TNS3: variants seen among roughly 807,000 people sequenced by gnomAD.
TNS3 encodes tensin 3.
In TNS3, 45 loss-of-function variants were observed where a neutral mutation model predicts 140.9. The observed-to-expected ratio is 0.32, with a 90% confidence interval of 0.25 to 0.41. TNS3 has a LOEUF of 0.41. Among genes scored for constraint, TNS3 ranks in the 10% least tolerant of loss-of-function variants. The pLI, the probability that TNS3 is intolerant of heterozygous loss-of-function variation, is 1.00. For synonymous variants in TNS3, 815 were observed against 788.4 expected (o/e 1.03, Z -0.56); for missense variants, 1,716 against 1,906.7 (o/e 0.90, Z 1.86).
Position 47,549,962 on chromosome 7 carries a change from G to A in TNS3, c.-264-20815C>T, listed in dbSNP as rs548662853. On this transcript the variant is annotated intron_variant, in intron 1 of 30. Transcript: ENST00000311160. ...CCCATCCCCACAACCTAGTTACTTC[G>A]TTTGGCTCTTGACAGGGGTGCCAGA... Among the ~76,000 whole-genome samples the A allele has an allele frequency of 5.9e-3, 660 of 110,970 alleles. 7 individuals carry two copies. Among genetic ancestry groups the A allele is most frequent in the African/African-American group, 0.022 (614 of 28,342 alleles). 72.8% of individuals were successfully genotyped at this position (110,970 alleles called of 152,430 possible). A position where few individuals can be genotyped will look rare whatever the true frequency, so the allele number is the denominator to read the frequency against.
At chr7:47,548,489 C>T (rs1799980648) in intron 1 of TNS3, among the ~76,000 whole-genome samples, 1 of 152,182 alleles carries the variant, frequency 6.6e-6, no homozygotes, top group Admixed American at 6.5e-5. Flanking sequence ...CTGTCAGACC[C>T]AGTAAGGGAC....
intron 8 of TNS3, among the ~76,000 whole-genome samples, chr7:47,434,155 A>T (rs932545318): frequency 3.3e-5 from 5 of 152,194 alleles, no homozygotes; most frequent in African/African-American, 1.2e-4. Context: ...TATGCCTTAC[A>T]GCTGTAAACA....
chr7:47,360,474 G>A (rs66541100), intron 17 of TNS3, among the ~76,000 whole-genome samples: 21,304 of 152,194 alleles, frequency 0.14, 1,669 homozygotes, highest in South Asian at 0.18. Flanking sequence ...CAGCGCCCGG[G>A]GCCCTGGCTC....
chr7:47,519,830 T>TC (rs1173260503), intron 2 of TNS3, among the ~76,000 whole-genome samples: 3 of 139,004 alleles, frequency 2.2e-5, no homozygotes, highest in Admixed American at 7.2e-5. Context: ...TTTTTTTTTT[T>TC]TTTTTTTTTT....
At chr7:47,398,271 A>G (rs977918984) in intron 15 of TNS3, among the ~76,000 whole-genome samples, 5 of 152,180 alleles carry the variant, frequency 3.3e-5, no homozygotes, top group Non-Finnish European at 5.9e-5. Flanking sequence ...AACAATTCCA[A>G]AAGACTGAGA....
chr7:47,534,036 C>T (rs906852250), intron 1 of TNS3, among the ~76,000 whole-genome samples: 4 of 152,132 alleles, frequency 2.6e-5, no homozygotes, highest in Admixed American at 6.5e-5. Flanking sequence ...CATTTTGGGA[C>T]GCCGAGGCGG....
chr7:47,302,075 T>C (rs527428205), intron 23 of TNS3, 111 bp downstream of exon 23: 5 of 839,544 alleles, frequency 6.0e-6, no homozygotes, highest in Admixed American at 3.9e-5. Context: ...ACTCAATCCA[T>C]ATGAAGGCCA....
In TNS3 at chr7:47,361,214, A is replaced by AAAAAAAAAAAC. The variant is rs1790304744; in HGVS notation, c.2281+7140_2281+7150dup. Among the ~76,000 whole-genome samples the AAAAAAAAAAAC allele has an allele frequency of 1.6e-4, 24 of 146,220 alleles. 1 individual carries two copies. The highest frequency in any genetic ancestry group is 3.3e-3 in the Middle Eastern group (1 of 300). ...TAAGACAGTAACCATGCCAAAAAAA[A>AAAAAAAAAAAC]AAAAAAAAAACAAGCAAGGGCCCAG... On this transcript the variant is annotated intron_variant, in intron 17 of 30. Coordinates refer to ENST00000311160, the MANE Select transcript of TNS3 (RefSeq NM_022748.12).
At chr7:47,322,539 A>AACACACAC (rs71003393) in intron 20 of TNS3, among the ~76,000 whole-genome samples, 1 of 150,958 alleles carries the variant, frequency 6.6e-6, no homozygotes, top group Admixed American at 6.6e-5. Flanking sequence ...CAAACAAACA[A>AACACACAC]ACACACACAC....
chr7:47,458,622 A>C (rs1796355805), intron 4 of TNS3, among the ~76,000 whole-genome samples: 1 of 152,266 alleles, frequency 6.6e-6, no homozygotes, highest in Non-Finnish European at 1.5e-5. Flanking sequence ...TCCTGTGAGC[A>C]CAAGCCAACC....
intron 23 of TNS3, among the ~76,000 whole-genome samples, chr7:47,301,749 G>A (rs1356086243): frequency 2.0e-5 from 3 of 152,102 alleles, no homozygotes; most frequent in Non-Finnish European, 4.4e-5. Context: ...TGCTTATGTA[G>A]GTGTTCACAA....
chr7:47,444,621 C>T (rs1357821942), intron 4 of TNS3, among the ~76,000 whole-genome samples: 3 of 152,086 alleles, frequency 2.0e-5, no homozygotes, highest in Non-Finnish European at 2.9e-5. Context: ...CTGTCCCTGA[C>T]GGAACCCAGG....
intron 20 of TNS3, among the ~76,000 whole-genome samples, chr7:47,340,576 C>CTTTTTTCTCTTTT (rs1788944442): frequency 7.7e-6 from 1 of 130,174 alleles, no homozygotes; most frequent in Non-Finnish European, 1.6e-5. Context: ...CTGGGATTTT[C>CTTTTTTCTCTTTT]TTTTTTTTCT....
intron 28 of TNS3, among the ~76,000 whole-genome samples, chr7:47,282,423 C>T (rs532862047): frequency 4.6e-4 from 69 of 151,086 alleles, no homozygotes; most frequent in Admixed American, 7.9e-4. Flanking sequence ...GACCATGAGT[C>T]CACCATACAG....
At chr7:47,369,705 C>T in intron 16 of TNS3, 84 bp from the exon 17 acceptor site, 1 of 1,406,392 alleles carries the variant, frequency 7.1e-7, no homozygotes, top group Admixed American at 2.4e-5. Context: ...GTGCATCTGT[C>T]TAAACAAATA....
intron 20 of TNS3, among the ~76,000 whole-genome samples, chr7:47,321,535 A>G (rs993712117): frequency 6.6e-6 from 1 of 152,190 alleles, no homozygotes; most frequent in Non-Finnish European, 1.5e-5. Flanking sequence ...AATTGCTCCA[A>G]TATAACAAGT....
At chr7:47,342,647 G>A (rs1789085302) in intron 20 of TNS3, among the ~76,000 whole-genome samples, 1 of 152,216 alleles carries the variant, frequency 6.6e-6, no homozygotes, top group South Asian at 2.1e-4. Context: ...GTCGGCTGAT[G>A]GAGCTGAAAC....
intron 13 of TNS3, among the ~76,000 whole-genome samples, chr7:47,403,727 A>C (rs180818830): frequency 2.2e-4 from 34 of 152,332 alleles, no homozygotes; most frequent in African/African-American, 7.9e-4. Context: ...CCCAGCAACC[A>C]CCATCAACAC....
intron 25 of TNS3, 67 bp from the exon 26 acceptor site, chr7:47,292,972 T>C (rs1785796036): frequency 4.9e-6 from 7 of 1,419,874 alleles, no homozygotes; most frequent in African/African-American, 1.4e-5. Flanking sequence ...TCAGCCAATT[T>C]ATCAGCTGGA....
Sources: gnomAD v4.1 joint callset for allele counts (sites outside exome capture counted in the v4.1 genomes callset) on GRCh38, gnomAD v4.1.1 for gene constraint, MANE v1.5 for transcripts, NCBI Gene and HGNC (gene_info 2026-07-23, HGNC 2026-07-21) for gene names.